Variants in QSER1 observed in about 807,000 individuals in gnomAD.
QSER1 encodes glutamine and serine rich 1.
In QSER1, 49 loss-of-function variants were observed where a neutral mutation model predicts 158.5. The ratio of observed to expected loss-of-function variants is 0.31; its 90% confidence interval spans 0.25 to 0.39. The LOEUF (loss-of-function observed/expected upper bound fraction) is 0.39. Among genes scored for constraint, QSER1 ranks in the 10% least tolerant of loss-of-function variants. The probability of loss-of-function intolerance (pLI) is 1.00; values close to 1 mark genes in which losing one functional copy is unlikely to be tolerated. For missense variants in QSER1, 1,754 were observed against 2,010.3 expected (o/e 0.87, Z 2.44); for synonymous variants, 650 against 715.5 (o/e 0.91, Z 1.46).
At chr11:32,939,032 A>G (rs1356214726) in intron 4 of QSER1, among the ~76,000 whole-genome samples, 2 of 152,176 alleles carry the variant, frequency 1.3e-5, no homozygotes, top group Non-Finnish European at 2.9e-5. Context: ...TACTCCTTTC[A>G]GATTGAATTA....
At chr11:32,924,297 C>G (rs1851938056) in intron 1 of QSER1, among the ~76,000 whole-genome samples, 1 of 151,918 alleles carries the variant, frequency 6.6e-6, no homozygotes. Flanking sequence ...GGTGTGGTGG[C>G]TCACACCTGT....
rs1852066734 is a variant in QSER1 at position 32,932,554 on chromosome 11, T to C, written c.1296T>C (p.Pro432=). The change falls in exon 4 of 13, where the codon CCT becomes CCC. Residue 432 remains proline (P), a synonymous_variant. Transcript: ENST00000650167. ...KTPKPQSIIP[P]VQTLSYSKPL... ...CTAAACCTCAAAGTATAATTCCTCC[T>C]GTGCAAACACTAAGCTATTCCAAAC... 14 of 1,614,180 alleles carry C rather than the reference T, an allele frequency of 8.7e-6. No individual in the cohort carries two copies. The East Asian group carries it at 2.9e-4, about 33-fold the overall frequency.
At chr11:32,969,013 A>C in intron 9 of QSER1, 33 bp from the exon 10 acceptor site, 1 of 1,136,052 alleles carries the variant, frequency 8.8e-7, no homozygotes, top group Non-Finnish European at 1.3e-6. Context: ...ATTTATTGAT[A>C]GTTTATCCTG....
intron 1 of QSER1, chr11:32,926,717 G>C (rs961242814): frequency 6.6e-6 from 1 of 152,128 alleles, no homozygotes; most frequent in African/African-American, 2.4e-5. Flanking sequence ...TTATTCCATA[G>C]AATACTATAA....
chr11:32,922,916 T>C (rs1384317075), intron 1 of QSER1, among the ~76,000 whole-genome samples: 1 of 152,216 alleles, frequency 6.6e-6, no homozygotes, highest in Non-Finnish European at 1.5e-5. Flanking sequence ...GCAGTTTATC[T>C]GAGTTAAAGA....
intron 1 of QSER1, among the ~76,000 whole-genome samples, chr11:32,909,091 C>T (rs1444171125): frequency 2.6e-5 from 4 of 152,128 alleles, no homozygotes; most frequent in African/African-American, 9.7e-5. Context: ...ACCCAGGAGG[C>T]GGAGGTTGAA....
chr11:32,972,384 A>G (rs1214028074), intron 10 of QSER1, among the ~76,000 whole-genome samples: 1 of 151,832 alleles, frequency 6.6e-6, no homozygotes, highest in Admixed American at 6.6e-5. Flanking sequence ...CCAAGTAGGT[A>G]AGGGCATAAA....
intron 10 of QSER1, among the ~76,000 whole-genome samples, chr11:32,969,686 C>CTTTT (rs1321422488): frequency 2.2e-5 from 3 of 134,710 alleles, no homozygotes; most frequent in East Asian, 2.1e-4. Flanking sequence ...CTTTTCTTTT[C>CTTTT]TTTTTTTTTT....
At chr11:32,912,636 A>G (rs1445669244) in intron 1 of QSER1, among the ~76,000 whole-genome samples, 7 of 152,074 alleles carry the variant, frequency 4.6e-5, no homozygotes, top group African/African-American at 1.7e-4. Flanking sequence ...AGGCCAGGCA[A>G]AGTGGCTCAC....
In QSER1 at chr11:32,979,341, A is replaced by G. The variant is rs1853033628; in HGVS notation, c.*2867A>G. 1 of 152,654 alleles carries G rather than the reference A, an allele frequency of 6.6e-6. No homozygotes were observed. Among genetic ancestry groups the G allele is most frequent in the Non-Finnish European group, 1.5e-5 (1 of 68,040 alleles). 9.5% of individuals were successfully genotyped at this position (152,654 alleles called of 1,614,324 possible). A position where few individuals can be genotyped will look rare whatever the true frequency, so the allele number is the denominator to read the frequency against. ...AAAGATTGGATTTTCCTACCTTTAG[A>G]GATCTAAAAAAAATTTAATATAAAA... On this transcript the variant is annotated 3_prime_UTR_variant, in exon 13 of 13. Coordinates refer to ENST00000650167, the MANE Select transcript of QSER1 (RefSeq NM_001076786.3).
chr11:32,911,526 T>C (rs1236853629), intron 1 of QSER1, among the ~76,000 whole-genome samples: 1 of 152,218 alleles, frequency 6.6e-6, no homozygotes, highest in East Asian at 1.9e-4. Flanking sequence ...CCATATCTTA[T>C]CTCAAATTGT....
At position 32,893,382 on chromosome 11, in the gene QSER1, G is replaced by A; in HGVS notation, c.209+48G>A. 1 of 152,598 alleles carries A rather than the reference G, an allele frequency of 6.6e-6. No homozygotes were observed. The highest frequency in any genetic ancestry group is 1.5e-5 in the Non-Finnish European group (1 of 68,216). 9.5% of individuals were successfully genotyped at this position (152,598 alleles called of 1,614,324 possible). On this transcript the variant is annotated intron_variant, in intron 1 of 12. Coordinates refer to ENST00000650167, the MANE Select transcript of QSER1 (RefSeq NM_001076786.3). This position sits in a 1 kb window ranked among gnomAD's most constrained non-coding sequence, Gnocchi z 4.7. ...TCGCGGTGGACCAGGAAAGGCCGGG[G>A]ATGCGTTTGGGGCCTTCGCTCGGTT... is the stretch of plus-strand genomic sequence containing the variant.
intron 1 of QSER1, among the ~76,000 whole-genome samples, chr11:32,894,797 G>A (rs1851534124): frequency 6.6e-6 from 1 of 152,190 alleles, no homozygotes; most frequent in Non-Finnish European, 1.5e-5. Context: ...TTCAGAAATA[G>A]CCATAATTTT....
rs1852143113 is a variant in QSER1, at chr11:32,935,713, G to T, written c.4177+278G>T. ...TAATCTGAGACATCTTGAGGTAATT[G>T]AGGCACTGTATTGTGGGCATTGCTG... is the stretch of plus-strand genomic sequence containing the variant. On this transcript the variant is annotated intron_variant, in intron 4 of 12. Transcript: ENST00000650167. 3.9e-5 allele frequency among the ~76,000 whole-genome samples: 6 copies of T among 152,336 alleles called. No homozygotes were observed. The South Asian group carries it at 1.2e-3, about 32-fold the overall frequency.
intron 8 of QSER1, among the ~76,000 whole-genome samples, chr11:32,965,578 A>T (rs769803995): frequency 1.3e-5 from 2 of 152,150 alleles, no homozygotes; most frequent in Non-Finnish European, 2.9e-5. Flanking sequence ...CTAGCAGCAG[A>T]TGTCTGTGGT....
At chr11:32,894,509 CTTTTG>C (rs1040765484) in intron 1 of QSER1, among the ~76,000 whole-genome samples, 14 of 152,144 alleles carry the variant, frequency 9.2e-5, no homozygotes, top group African/African-American at 3.1e-4. Context: ...CAGAAGTGAA[CTTTTG>C]TTTTAAGTTT....
At chr11:32,916,872 C>T (rs1482672426) in intron 1 of QSER1, among the ~76,000 whole-genome samples, 1 of 151,824 alleles carries the variant, frequency 6.6e-6, no homozygotes, top group Non-Finnish European at 1.5e-5. Flanking sequence ...CTGCAACCTC[C>T]ACCTCCCGGG....
At position 32,893,333 on chromosome 11, in the gene QSER1, A is replaced by T. The variant is rs1373596907; in HGVS notation, c.208A>T (p.Ser70Cys). Residue 70 changes from serine (S) to cysteine (C), a missense_variant and splice_region_variant, in exon 1 of 13, where the codon AGT becomes TGT. Physicochemically the swap from Ser to Cys is moderately radical, Grantham distance 112. Around this residue, in one of 2 missense-constraint regions of QSER1, gnomAD observed 1,707 missense variants for 1,919.6 expected, o/e 0.89. Transcript: ENST00000650167. The surrounding 1 kb of genome is among the most constrained non-coding windows in gnomAD (Gnocchi z 4.7). ...CGGCAGCAGCCCCAGCCTCAAGGCC[A>T]GGTAGGGAGGGTGGGCGGCGGGGTC... ...SSGSSPSLKASLSYEEGHPSH... is the reference protein window; with the variant it reads ...SSGSSPSLKACLSYEEGHPSH... 1 of 152,636 alleles carries T rather than the reference A, an allele frequency of 6.6e-6. No homozygotes were observed. Among genetic ancestry groups the T allele is most frequent in the Non-Finnish European group, 1.5e-5 (1 of 67,920 alleles). 9.5% of individuals were successfully genotyped at this position (152,636 alleles called of 1,614,324 possible). A position where few individuals can be genotyped will look rare whatever the true frequency, so the allele number is the denominator to read the frequency against.
intron 11 of QSER1, 32 bp downstream of exon 11, chr11:32,973,581 C>T: frequency 6.5e-7 from 1 of 1,549,310 alleles, no homozygotes; most frequent in Non-Finnish European, 8.8e-7. Flanking sequence ...TGTAACTATA[C>T]CTTTTCCAAT....
Sources: allele counts gnomAD v4.1 joint callset (sites outside exome capture counted in the v4.1 genomes callset), GRCh38; gene constraint gnomAD v4.1.1; regional missense constraint gnomAD v4.1.1; non-coding constraint Gnocchi (gnomAD v3.1); transcripts MANE v1.5; gene names NCBI Gene and HGNC (gene_info 2026-07-23, HGNC 2026-07-21).